PRKCE: variants seen among roughly 807,000 people sequenced by gnomAD.
The protein encoded by PRKCE is protein kinase C epsilon, also known as protein kinase C epsilon type.
In PRKCE, 16 loss-of-function variants were observed where a neutral mutation model predicts 85.4. The ratio of observed to expected loss-of-function variants is 0.19; its 90% CI spans 0.13 to 0.28. The LOEUF (loss-of-function observed/expected upper bound fraction) is 0.28. PRKCE is among the 10% of genes least tolerant of loss of function. PRKCE has a pLI of 1.00. For synonymous variants in PRKCE, 388 were observed against 371.5 expected, an observed-to-expected ratio of 1.04 and a Z score of -0.51; for missense variants, 573 against 975.2, an observed-to-expected ratio of 0.59 and a Z score of 5.49.
intron 1 of PRKCE, among the ~76,000 whole-genome samples, chr2:45,703,537 C>CG (rs1678855231): frequency 7.6e-6 from 1 of 131,660 alleles, no homozygotes; most frequent in Non-Finnish European, 1.7e-5. Context: ...GACCTTGTCT[C>CG]TAAAAAAAAA....
chr2:46,158,324 G>C (rs1289256538), intron 13 of PRKCE, among the ~76,000 whole-genome samples: 1 of 152,178 alleles, frequency 6.6e-6, no homozygotes, highest in Non-Finnish European at 1.5e-5. Context: ...GAATGCAAAA[G>C]GACAGCAAGG....
At chr2:46,028,067 G>T (rs1041684991) in intron 10 of PRKCE, among the ~76,000 whole-genome samples, 3 of 151,852 alleles carry the variant, frequency 2.0e-5, no homozygotes, top group Non-Finnish European at 4.4e-5. Context: ...TCAGCCTCCC[G>T]AGTAGCTGGG....
At chr2:46,018,572 G>A (rs1431296913) in intron 10 of PRKCE, among the ~76,000 whole-genome samples, 1 of 152,106 alleles carries the variant, frequency 6.6e-6, no homozygotes, top group Non-Finnish European at 1.5e-5. Context: ...ATCTTCTTTT[G>A]TAAATTGTGT....
intron 1 of PRKCE, among the ~76,000 whole-genome samples, chr2:45,672,615 G>A (rs952158471): frequency 2.6e-5 from 4 of 152,018 alleles, no homozygotes; most frequent in African/African-American, 9.7e-5. Flanking sequence ...CTGAGGTTGC[G>A]GCAATTGACC....
At chr2:46,124,569 C>A (rs766352552) in intron 11 of PRKCE, among the ~76,000 whole-genome samples, 4 of 152,144 alleles carry the variant, frequency 2.6e-5, no homozygotes, top group Admixed American at 1.3e-4. Context: ...TGTGTTCATT[C>A]CCCAGTTAGA....
chr2:46,051,818 G>C (rs760236270), intron 10 of PRKCE, among the ~76,000 whole-genome samples: 1 of 152,168 alleles, frequency 6.6e-6, no homozygotes, highest in Non-Finnish European at 1.5e-5. Flanking sequence ...AAAGTTCCAC[G>C]CGGCTGGGGA....
intron 2 of PRKCE, chr2:45,851,710 G>A (rs1258640041): frequency 6.6e-6 from 1 of 152,198 alleles, no homozygotes; most frequent in Non-Finnish European, 1.5e-5. Context: ...ATGGCCAGAG[G>A]CTACAAGAGG....
At chr2:45,841,709 G>C (rs1573569438) in intron 1 of PRKCE, among the ~76,000 whole-genome samples, 1 of 152,354 alleles carries the variant, frequency 6.6e-6, no homozygotes, top group East Asian at 1.9e-4. Flanking sequence ...GGAGCCATGA[G>C]TAAGATGTGT....
At chr2:46,160,356 A>G (rs1426717097) in intron 14 of PRKCE, among the ~76,000 whole-genome samples, 1 of 152,228 alleles carries the variant, frequency 6.6e-6, no homozygotes, top group Non-Finnish European at 1.5e-5. Flanking sequence ...GGGGGCATGT[A>G]ACACAGGGCA....
rs892592278 is a variant in PRKCE at position 46,004,874 on chromosome 2, G to T, written c.1063+236G>T. ...TTAATTTCCTTCCAGGCCAGGGTAA[G>T]AGGAGAGCGAGTGTATGATGTTATG... On this transcript the variant is annotated intron_variant, in intron 8 of 14. Transcript: ENST00000306156. The surrounding 1 kb of genome is among the most constrained non-coding windows in gnomAD (Gnocchi z 4.1). Among the ~76,000 whole-genome samples the T allele has an allele frequency of 1.3e-5, 2 of 152,114 alleles. No individual in the cohort carries two copies. The highest frequency in any genetic ancestry group is 2.9e-5 in the Non-Finnish European group (2 of 68,016).
intron 1 of PRKCE, among the ~76,000 whole-genome samples, chr2:45,841,768 G>A (rs3896679): frequency 1.3e-5 from 2 of 152,336 alleles, no homozygotes; most frequent in Non-Finnish European, 2.9e-5. Context: ...TTCTGACTGG[G>A]CATATCTGGA....
chr2:45,936,515 C>A, intron 2 of PRKCE, among the ~76,000 whole-genome samples: 1 of 152,204 alleles, frequency 6.6e-6, no homozygotes, highest in South Asian at 2.1e-4. Flanking sequence ...GTTTCTTTAC[C>A]GAGAGGAAGC....
chr2:45,737,285 C>T (rs1013049758), intron 1 of PRKCE, among the ~76,000 whole-genome samples: 3 of 152,212 alleles, frequency 2.0e-5, no homozygotes, highest in Non-Finnish European at 4.4e-5. Context: ...ACAGATTCCT[C>T]TCATCTTCTG....
intron 2 of PRKCE, among the ~76,000 whole-genome samples, chr2:45,883,319 C>G (rs1039107468): frequency 2.2e-4 from 33 of 152,344 alleles, no homozygotes; most frequent in Admixed American, 1.8e-3. Flanking sequence ...AGGGAGGACT[C>G]TGAGGCGCCC....
intron 1 of PRKCE, among the ~76,000 whole-genome samples, chr2:45,658,872 A>G (rs1282242882): frequency 2.6e-5 from 4 of 152,360 alleles, no homozygotes; most frequent in African/African-American, 9.6e-5. Flanking sequence ...TGCCCTTTGG[A>G]AGATAATAGA....
At chr2:46,012,904 G>A (rs559060069) in intron 10 of PRKCE, among the ~76,000 whole-genome samples, 10 of 152,372 alleles carry the variant, frequency 6.6e-5, no homozygotes, top group African/African-American at 1.9e-4. Context: ...TAACATGGAT[G>A]TTGTCATGGA....
chr2:46,160,374 C>T (rs1323441047), intron 14 of PRKCE, among the ~76,000 whole-genome samples: 1 of 152,232 alleles, frequency 6.6e-6, no homozygotes, highest in African/African-American at 2.4e-5. Context: ...GCAGTTGAAG[C>T]TCAGAGCTTT....
chr2:45,860,410 C>T (rs191770971), intron 2 of PRKCE, among the ~76,000 whole-genome samples: 1 of 152,302 alleles, frequency 6.6e-6, no homozygotes, highest in East Asian at 1.9e-4. Context: ...CCTTTGGGAG[C>T]TGAGGTTTTA....
intron 2 of PRKCE, among the ~76,000 whole-genome samples, chr2:45,850,993 A>G (rs1316689757): frequency 6.6e-6 from 1 of 152,242 alleles, no homozygotes; most frequent in African/African-American, 2.4e-5. Context: ...AGTAAGCATC[A>G]TCGTGTGCTT....
Sources: allele counts gnomAD v4.1 joint callset (sites outside exome capture counted in the v4.1 genomes callset), GRCh38; gene constraint gnomAD v4.1.1; non-coding constraint Gnocchi (gnomAD v3.1); transcripts MANE v1.5; gene names NCBI Gene and HGNC (gene_info 2026-07-23, HGNC 2026-07-21).